Variants in UBE2E2 observed in about 807,000 individuals in gnomAD.
The protein encoded by UBE2E2 is ubiquitin conjugating enzyme E2 E2.
A neutral mutation model predicts 24.7 loss-of-function variants in UBE2E2; 6 were observed. The ratio of observed to expected loss-of-function variants is 0.24; its 90% confidence interval spans 0.13 to 0.48. UBE2E2 has a LOEUF of 0.48. Among genes scored for constraint, UBE2E2 ranks in the 20% least tolerant of loss-of-function variants. UBE2E2 has a pLI of 0.99. For synonymous variants in UBE2E2, 104 were observed against 83.6 expected, an observed-to-expected ratio of 1.24 and a Z score of -1.33; for missense variants, 169 against 245.0, an observed-to-expected ratio of 0.69 and a Z score of 2.07.
chr3:23,349,344 C>T (rs187261821), intron 3 of UBE2E2, among the ~76,000 whole-genome samples: 392 of 152,318 alleles, frequency 2.6e-3, no homozygotes, highest in Non-Finnish European at 4.9e-3. Flanking sequence ...ATCTGAGGTA[C>T]TGGGTTCATC....
chr3:23,571,680 G>A (rs1052923627), intron 5 of UBE2E2, among the ~76,000 whole-genome samples: 1 of 152,064 alleles, frequency 6.6e-6, no homozygotes, highest in Non-Finnish European at 1.5e-5. Context: ...GCTAGTCTAG[G>A]AGCAGGTCAG....
At chr3:23,318,150 G>A (rs955654409) in intron 3 of UBE2E2, among the ~76,000 whole-genome samples, 1 of 151,632 alleles carries the variant, frequency 6.6e-6, no homozygotes, top group Non-Finnish European at 1.5e-5. Context: ...TTTATGACAG[G>A]GTTTTAAAAA....
chr3:23,345,192 T>G (rs1049899828), intron 3 of UBE2E2, among the ~76,000 whole-genome samples: 26 of 152,210 alleles, frequency 1.7e-4, no homozygotes, highest in African/African-American at 6.3e-4. Flanking sequence ...CTGATCTTTA[T>G]AAGCTGAGTA....
At chr3:23,417,166 G>T (rs1697659714) in intron 3 of UBE2E2, among the ~76,000 whole-genome samples, 1 of 152,164 alleles carries the variant, frequency 6.6e-6, no homozygotes, top group Non-Finnish European at 1.5e-5. Context: ...TTTTGTGCTG[G>T]TTTTTCCTCA....
chr3:23,552,652 C>T (rs1457824250), intron 5 of UBE2E2, among the ~76,000 whole-genome samples: 1 of 152,166 alleles, frequency 6.6e-6, no homozygotes, highest in Non-Finnish European at 1.5e-5. Flanking sequence ...TTTGTACAAT[C>T]AGCTTCTTTA....
At chr3:23,444,638 C>A (rs752783912) in intron 3 of UBE2E2, among the ~76,000 whole-genome samples, 13 of 152,134 alleles carry the variant, frequency 8.5e-5, no homozygotes, top group Non-Finnish European at 1.6e-4. Flanking sequence ...TATACCATAC[C>A]CTGGAGGGCA....
chr3:23,338,545 T>G (rs184089478), intron 3 of UBE2E2, among the ~76,000 whole-genome samples: 67 of 152,240 alleles, frequency 4.4e-4, no homozygotes, highest in African/African-American at 1.5e-3. Flanking sequence ...GATCTTGGGT[T>G]TAAGTGCCAG....
At chr3:23,291,679 G>A (rs1341387725) in intron 3 of UBE2E2, among the ~76,000 whole-genome samples, 1 of 140,124 alleles carries the variant, frequency 7.1e-6, no homozygotes, top group Middle Eastern at 3.4e-3. Context: ...TTCTATTTAA[G>A]GGGCTTTTTT....
intron 2 of UBE2E2, among the ~76,000 whole-genome samples, chr3:23,216,576 G>C (rs1696481453): frequency 2.6e-5 from 4 of 152,104 alleles, no homozygotes; most frequent in Admixed American, 6.6e-5. Flanking sequence ...TATAGTCTTA[G>C]AAAACAGTGG....
intron 3 of UBE2E2, among the ~76,000 whole-genome samples, chr3:23,418,927 T>C (rs1424767536): frequency 6.6e-6 from 1 of 151,612 alleles, no homozygotes; most frequent in Non-Finnish European, 1.5e-5. Flanking sequence ...CCTGTTCCAG[T>C]CTTTCTGATT....
intron 3 of UBE2E2, among the ~76,000 whole-genome samples, chr3:23,351,789 A>G (rs1695759961): frequency 6.6e-6 from 1 of 152,212 alleles, no homozygotes; most frequent in African/African-American, 2.4e-5. Context: ...ATAATGGGAG[A>G]CTTTAACACC....
intron 3 of UBE2E2, among the ~76,000 whole-genome samples, chr3:23,244,329 T>C (rs1190569599): frequency 6.6e-6 from 1 of 151,102 alleles, no homozygotes; most frequent in Non-Finnish European, 1.5e-5. Context: ...ATTATTTATA[T>C]ATAAAGATAG....
chr3:23,224,693 A>G (rs972950644), intron 3 of UBE2E2, among the ~76,000 whole-genome samples: 7 of 152,174 alleles, frequency 4.6e-5, no homozygotes, highest in Non-Finnish European at 7.4e-5. Flanking sequence ...TTGTTACCAA[A>G]TAAACTTCCA....
intron 3 of UBE2E2, among the ~76,000 whole-genome samples, chr3:23,424,625 T>C (rs926846283): frequency 6.6e-6 from 1 of 152,102 alleles, no homozygotes; most frequent in African/African-American, 2.4e-5. Flanking sequence ...CATTTAAGAA[T>C]GAAAAAGCAA....
chr3:23,443,029 A>C (rs1575632967), intron 3 of UBE2E2, among the ~76,000 whole-genome samples: 1 of 152,228 alleles, frequency 6.6e-6, no homozygotes, highest in African/African-American at 2.4e-5. Context: ...CAATAACAAC[A>C]GTACTTTCCA....
chr3:23,298,515 C>G (rs546612574), intron 3 of UBE2E2, among the ~76,000 whole-genome samples: 231 of 152,164 alleles, frequency 1.5e-3, no homozygotes, highest in Admixed American at 3.3e-3. Context: ...TGAATTTTGT[C>G]AAAGGCCTTT....
At chr3:23,213,931 A>T (rs942220346) in intron 2 of UBE2E2, among the ~76,000 whole-genome samples, 5 of 152,168 alleles carry the variant, frequency 3.3e-5, no homozygotes, top group Admixed American at 3.3e-4. Context: ...TGAAATAGGT[A>T]CCTTTCTTAT....
At chr3:23,339,617 G>T (rs1695327078) in intron 3 of UBE2E2, among the ~76,000 whole-genome samples, 1 of 152,022 alleles carries the variant, frequency 6.6e-6, no homozygotes, top group African/African-American at 2.4e-5. Context: ...GAAGGGAAGA[G>T]GAGATGATAT....
intron 3 of UBE2E2, among the ~76,000 whole-genome samples, chr3:23,345,186 T>A (rs934066542): frequency 2.0e-5 from 3 of 152,190 alleles, no homozygotes; most frequent in Admixed American, 2.0e-4. Context: ...TTGCAACTGA[T>A]CTTTATAAGC....
Sources: allele counts gnomAD v4.1 joint callset (sites outside exome capture counted in the v4.1 genomes callset), GRCh38; gene constraint gnomAD v4.1.1; transcripts MANE v1.5; gene names NCBI Gene and HGNC (gene_info 2026-07-23, HGNC 2026-07-21).